The following ABCC12 variants were observed in gnomAD, a reference collection of about 807,000 sequenced individuals.
The protein encoded by ABCC12 is ATP binding cassette subfamily C member 12, also known as ATP-binding cassette sub-family C member 12.
In ABCC12, 142 loss-of-function variants were observed where a neutral mutation model predicts 151.1. The observed-to-expected ratio is 0.94, with a 90% CI of 0.82 to 1.08. The LOEUF (loss-of-function observed/expected upper bound fraction) is 1.08, where lower values mean the gene tolerates loss of function less well. Among genes scored for constraint, ABCC12 ranks in the 50% least tolerant of loss-of-function variants. The pLI, the probability that ABCC12 is intolerant of heterozygous loss-of-function variation, is 0.00. For synonymous variants in ABCC12, 645 were observed against 646.4 expected (o/e 1.00, Z 0.03); for missense variants, 1,638 against 1,691.1 (o/e 0.97, Z 0.55).
At position 48,117,313 on chromosome 16, in the gene ABCC12, A is replaced by G; in HGVS notation, c.1733T>C (p.Val578Ala). 1 of 1,613,904 alleles carries G rather than the reference A, an allele frequency of 6.2e-7. No individual in the cohort carries two copies. Among genetic ancestry groups the G allele is most frequent in the South Asian group, 1.1e-5 (1 of 91,010 alleles). The change falls in exon 14 of 31, where the codon GTC becomes GCC. Residue 578 changes from valine to alanine, a missense_variant. Val to Ala is a moderately conservative substitution (Grantham distance 64). Coordinates refer to ENST00000311303, the MANE Select transcript of ABCC12 (RefSeq NM_001393797.1). The part of the protein sequence containing the change: ...DHQRYQHTVR[V>A]CGLQKDLSNL... ...GCTCAGGTCCTTCTGGAGGCCACAGACGCGGACTGTGTGCTGATACCTGTT... is the reference window on the plus strand; with the variant it reads ...GCTCAGGTCCTTCTGGAGGCCACAGGCGCGGACTGTGTGCTGATACCTGTT...
chr16:48,143,734 T>C (rs1303039038), intron 4 of ABCC12, among the ~76,000 whole-genome samples, 176 bp downstream of exon 4: 4 of 152,238 alleles, frequency 2.6e-5, no homozygotes, highest in Non-Finnish European at 4.4e-5. Flanking sequence ...CCTGCCACCA[T>C]GTAAGACGTG....
At chr16:48,094,958 T>C (rs1963041562) in intron 24 of ABCC12, among the ~76,000 whole-genome samples, 1 of 151,694 alleles carries the variant, frequency 6.6e-6, no homozygotes, top group African/African-American at 2.4e-5. Context: ...ACAAAACCAA[T>C]GGCATGAAAG....
chr16:48,097,536 G>A (rs762348141), intron 23 of ABCC12, among the ~76,000 whole-genome samples: 1 of 152,196 alleles, frequency 6.6e-6, no homozygotes, highest in African/African-American at 2.4e-5. Context: ...AAAGGGCTTG[G>A]AGAGGGGGGA....
intron 23 of ABCC12, among the ~76,000 whole-genome samples, chr16:48,100,301 G>A (rs369865060): frequency 3.9e-5 from 6 of 152,238 alleles, no homozygotes; most frequent in African/African-American, 1.4e-4. Flanking sequence ...GTTTGAAGCT[G>A]GAAGATGCCA....
At chr16:48,113,204 G>A (rs140306408) in intron 15 of ABCC12, among the ~76,000 whole-genome samples, 3 of 152,338 alleles carry the variant, frequency 2.0e-5, no homozygotes, top group African/African-American at 4.8e-5. Flanking sequence ...TTGATTGGGC[G>A]AGTTGGGAGG....
intron 23 of ABCC12, among the ~76,000 whole-genome samples, chr16:48,099,613 C>A (rs923690382): frequency 9.2e-5 from 14 of 152,284 alleles, no homozygotes; most frequent in Non-Finnish European, 1.5e-4. Context: ...TCCCAGCCTC[C>A]CTTGCGTTAG....
chr16:48,133,666 C>G (rs772310814), intron 9 of ABCC12, 21 bp downstream of exon 9: 3 of 1,611,348 alleles, frequency 1.9e-6, no homozygotes, highest in Admixed American at 3.3e-5. Flanking sequence ...GAAAGAGCCT[C>G]GATCTGGAGC....
chr16:48,084,004 T>C lies in ABCC12; in HGVS notation c.3898A>G (p.Lys1300Glu), dbSNP rs1407937356. ...ACAGTGCAGCCCTTGAAGGCATCTT[T>C]GATGGTGTTCTGAACCAGGGTGTCA... ...KTDTLVQNTI[K>E]DAFKGCTVLT... Residue 1300 changes from lysine to glutamate, a missense_variant, in exon 30 of 31, where the codon AAA becomes GAA. Transcript: ENST00000311303. The C allele has an allele frequency of 1.9e-6, 3 of 1,612,934 alleles. No homozygotes were observed. The South Asian group carries it at 3.3e-5, about 18-fold the overall frequency.
chr16:48,121,546 A>G (rs1171103625), intron 13 of ABCC12, 170 bp downstream of exon 13: 1 of 877,854 alleles, frequency 1.1e-6, no homozygotes, highest in Non-Finnish European at 1.7e-6. Flanking sequence ...CCTCTCCTGA[A>G]CGCTTGGCTC....
At chr16:48,111,738 G>A (rs28526661) in intron 16 of ABCC12, 38 bp downstream of exon 16, 669 of 1,613,802 alleles carry the variant, frequency 4.1e-4, no homozygotes, top group African/African-American at 2.6e-3. Flanking sequence ...GAGGGATTCC[G>A]CCCCAATTGT....
chr16:48,122,763 T>C (rs1964115160), intron 12 of ABCC12, among the ~76,000 whole-genome samples: 1 of 152,216 alleles, frequency 6.6e-6, no homozygotes. Context: ...ATTTTTAATG[T>C]GTAGGGTATA....
chr16:48,104,055 C>T (rs1289801628), intron 22 of ABCC12, 87 bp downstream of exon 22: 1 of 1,369,894 alleles, frequency 7.3e-7, no homozygotes, highest in African/African-American at 1.5e-5. Flanking sequence ...TCAGTAAAGA[C>T]AGCAAGCACT....
chr16:48,112,969 CT>C (rs1963750985), intron 15 of ABCC12, among the ~76,000 whole-genome samples: 1 of 152,056 alleles, frequency 6.6e-6, no homozygotes, highest in African/African-American at 2.4e-5. Context: ...GAGGGTTTTC[CT>C]TTCATTTTGG....
At chr16:48,087,111 GC>G in intron 27 of ABCC12, 1 of 339,690 alleles carries the variant, frequency 2.9e-6, no homozygotes, top group Non-Finnish European at 5.6e-6. Flanking sequence ...ACACACCTGG[GC>G]CTCTCAGCAG....
Position 48,138,387 on chromosome 16 carries a change from G to T in ABCC12, c.832-12C>A, listed in dbSNP as rs770514700. 1 of 1,601,684 alleles carries T rather than the reference G, an allele frequency of 6.2e-7. No individual in the cohort carries two copies. Among genetic ancestry groups the T allele is most frequent in the East Asian group, 2.2e-5 (1 of 44,600 alleles). On this transcript the variant is annotated splice_polypyrimidine_tract_variant and intron_variant, in intron 7 of 30. Transcript: ENST00000311303. ...TTGGCCATAAACATCTGAAATCAAG[G>T]TACAAACACTGTTTTCAGAGAGAAG... is the stretch of plus-strand genomic sequence containing the variant.
At chr16:48,091,501 C>T (rs1457640605) in intron 24 of ABCC12, among the ~76,000 whole-genome samples, 1 of 152,226 alleles carries the variant, frequency 6.6e-6, no homozygotes, top group Non-Finnish European at 1.5e-5. Context: ...TCACACGCCT[C>T]TTTGAGTGGT....
rs1372622117 is a variant in ABCC12, at chr16:48,085,664, T to G, written c.3757A>C (p.Asn1253His). The change falls in exon 29 of 31, where the codon AAT becomes CAT. Residue 1253 changes from asparagine to histidine, a missense_variant. Physicochemically the swap from Asn to His is moderately conservative, Grantham distance 68 (BLOSUM62 1). Transcript: ENST00000311303. ...PEKLQAEVTE[N>H]GENFSVGERQ... Reference sequence around the variant, plus strand: ...TCCCCTACTGAGAAGTTTTCTCCATTTTCTGTGACTTCTGCCTGTAATTTT... The same window carrying G: ...TCCCCTACTGAGAAGTTTTCTCCATGTTCTGTGACTTCTGCCTGTAATTTT... 3.0e-5 allele frequency: 48 copies of G among 1,614,098 alleles called. No individual in the cohort carries two copies. Among genetic ancestry groups the G allele is most frequent in the Non-Finnish European group, 3.9e-5 (46 of 1,180,042 alleles).
At chr16:48,139,076 G>A (rs1964710158) in intron 7 of ABCC12, 87 bp downstream of exon 7, 3 of 1,418,030 alleles carry the variant, frequency 2.1e-6, no homozygotes, top group Non-Finnish European at 2.8e-6. Context: ...GGCTTCATGC[G>A]CCAGAAATGC....
At chr16:48,152,797 G>C (rs1201045361) in intron 2 of ABCC12, among the ~76,000 whole-genome samples, 1 of 152,170 alleles carries the variant, frequency 6.6e-6, no homozygotes, top group Non-Finnish European at 1.5e-5. Context: ...ACCCAAAGGA[G>C]CTTTCTACAG....
Sources: gnomAD v4.1 joint callset for allele counts (sites outside exome capture counted in the v4.1 genomes callset) on GRCh38, gnomAD v4.1.1 for gene constraint, MANE v1.5 for transcripts, NCBI Gene and HGNC (gene_info 2026-07-23, HGNC 2026-07-21) for gene names.